The following HIVEP2 variants were observed in gnomAD, a reference collection of about 807,000 sequenced individuals.
HIVEP2 encodes the protein HIVEP zinc finger 2, also known as transcription factor HIVEP2.
HIVEP2 carries 14 observed loss-of-function variants against 180.7 expected under a neutral mutation model. That is an observed-to-expected ratio of 0.08 (90% confidence interval 0.05 to 0.12). HIVEP2 has a LOEUF of 0.12. HIVEP2 is among the 10% of genes least tolerant of loss of function. The probability of loss-of-function intolerance (pLI) is 1.00; values close to 1 mark genes in which losing one functional copy is unlikely to be tolerated. For missense variants in HIVEP2, 2,579 were observed against 3,008.5 expected (o/e 0.86, Z 3.34); for synonymous variants, 1,184 against 1,136.4 (o/e 1.04, Z -0.84).
intron 9 of HIVEP2, among the ~76,000 whole-genome samples, chr6:142,756,236 G>A (rs1282316858): frequency 6.6e-6 from 1 of 152,172 alleles, no homozygotes; most frequent in Non-Finnish European, 1.5e-5. Context: ...TGCAAATGAT[G>A]AGAGGGAGGT....
At chr6:142,866,161 T>G (rs1404523930) in intron 1 of HIVEP2, among the ~76,000 whole-genome samples, 1 of 152,198 alleles carries the variant, frequency 6.6e-6, no homozygotes, top group Non-Finnish European at 1.5e-5. Context: ...TTCTGAATTC[T>G]AATCCTGGCT....
chr6:142,804,547 A>G (rs1426009962), intron 2 of HIVEP2, among the ~76,000 whole-genome samples: 1 of 152,182 alleles, frequency 6.6e-6, no homozygotes, highest in African/African-American at 2.4e-5. Context: ...TCAAATTGAA[A>G]AAAAAATACA....
intron 2 of HIVEP2, among the ~76,000 whole-genome samples, chr6:142,810,648 G>A (rs1776670157): frequency 6.6e-6 from 1 of 151,440 alleles, no homozygotes; most frequent in Non-Finnish European, 1.5e-5. Context: ...TGTAATCCCA[G>A]CTACTCATGA....
chr6:142,862,607 T>C (rs892654339), intron 1 of HIVEP2, among the ~76,000 whole-genome samples: 1 of 145,310 alleles, frequency 6.9e-6, no homozygotes, highest in African/African-American at 2.5e-5. Context: ...AATCGATTCA[T>C]AATCGATTAT....
chr6:142,902,075 A>G (rs1017486572), intron 1 of HIVEP2, among the ~76,000 whole-genome samples: 2 of 152,334 alleles, frequency 1.3e-5, no homozygotes, highest in Admixed American at 6.5e-5. Flanking sequence ...CAATCAATCA[A>G]TAAAATATGT....
At chr6:142,909,237 T>C (rs1181999733) in intron 1 of HIVEP2, among the ~76,000 whole-genome samples, 1 of 152,160 alleles carries the variant, frequency 6.6e-6, no homozygotes, top group Non-Finnish European at 1.5e-5. Flanking sequence ...AAGCATTAGC[T>C]ATACAGAAAG....
At chr6:142,827,540 G>A (rs955261868) in intron 2 of HIVEP2, among the ~76,000 whole-genome samples, 3 of 152,298 alleles carry the variant, frequency 2.0e-5, no homozygotes, top group African/African-American at 4.8e-5. Context: ...GCACGTGCAC[G>A]CACTTCCCTG....
intron 1 of HIVEP2, among the ~76,000 whole-genome samples, chr6:142,847,844 G>C (rs957118343): frequency 2.6e-5 from 4 of 152,024 alleles, no homozygotes; most frequent in Non-Finnish European, 5.9e-5. Flanking sequence ...AAAGCTAAGT[G>C]GAATTTTTAT....
intron 2 of HIVEP2, among the ~76,000 whole-genome samples, chr6:142,819,461 A>G (rs1776971517): frequency 6.6e-6 from 1 of 152,192 alleles, no homozygotes; most frequent in South Asian, 2.1e-4. Flanking sequence ...GTTTTCCAAA[A>G]GGAAAAATAC....
At position 142,761,477 on chromosome 6, in the gene HIVEP2, T is replaced by C. The variant is rs1775235441; in HGVS notation, c.5607A>G (p.Glu1869=). ...TGACATACACACCTGCTTCCTCAGT[T>C]TCTGTATCATCCACCGATGTCATTG... The part of the protein sequence containing the change: ...GVSMTSVDDT[E]TEEAENLEDL... The change falls in exon 8 of 10, where the codon GAA becomes GAG. Residue 1869 remains glutamate (E), a synonymous_variant. Coordinates refer to ENST00000367603, the MANE Select transcript of HIVEP2 (RefSeq NM_006734.4). The C allele has an allele frequency of 6.3e-7, 1 of 1,585,726 alleles. No individual in the cohort carries two copies. Among genetic ancestry groups the C allele is most frequent in the South Asian group, 1.1e-5 (1 of 90,488 alleles).
chr6:142,774,432 G>A lies in HIVEP2; in HGVS notation c.307C>T (p.His103Tyr). Residue 103 changes from histidine (H) to tyrosine (Y), a missense_variant, in exon 5 of 10, where the codon CAC becomes TAC. His to Tyr is a moderately conservative substitution (Grantham distance 83, BLOSUM62 2). Around this residue, in one of 11 missense-constraint regions of HIVEP2, gnomAD observed 207 missense variants for 210.1 expected, o/e 0.99. Coordinates refer to ENST00000367603, the MANE Select transcript of HIVEP2 (RefSeq NM_006734.4). This position sits in a 1 kb window ranked among gnomAD's most constrained non-coding sequence, Gnocchi z 5.1. ...TGCATGACCCCCTGTGGCAATGAGT[G>A]CTGAGGGAAAGAGAGTGAGTGTTGG... is the stretch of plus-strand genomic sequence containing the variant. ...SCQHSLSFPQ[H>Y]SLPQGVMHST... is the part of the protein sequence containing the mutation. The A allele has an allele frequency of 1.2e-6, 2 of 1,614,192 alleles. No homozygotes were observed. Among genetic ancestry groups the A allele is most frequent in the Non-Finnish European group, 1.7e-6 (2 of 1,180,032 alleles).
chr6:142,783,178 A>AC (rs1196785450), intron 3 of HIVEP2, among the ~76,000 whole-genome samples: 1 of 152,020 alleles, frequency 6.6e-6, no homozygotes, highest in African/African-American at 2.4e-5. Flanking sequence ...AAATACAAAA[A>AC]TTAGCCGGGC....
At chr6:142,926,659 A>G (rs1290550270) in intron 1 of HIVEP2, among the ~76,000 whole-genome samples, 1 of 152,120 alleles carries the variant, frequency 6.6e-6, no homozygotes, top group Non-Finnish European at 1.5e-5. Flanking sequence ...GGGAGGTGCC[A>G]GTGCTGTGGT....
intron 9 of HIVEP2, among the ~76,000 whole-genome samples, chr6:142,756,797 T>TTATCTATC (rs10660970): frequency 0.025 from 3,737 of 150,016 alleles, 66 homozygotes; most frequent in East Asian, 0.048. Flanking sequence ...AAAAGATACC[T>TTATCTATC]TATCTATCTA....
intron 1 of HIVEP2, among the ~76,000 whole-genome samples, chr6:142,941,323 ATTAG>A (rs1007152633): frequency 2.0e-5 from 3 of 152,196 alleles, no homozygotes; most frequent in Admixed American, 1.3e-4. Flanking sequence ...GTTTTCCCAA[ATTAG>A]TTAGTGGCAT....
At chr6:142,894,936 T>C (rs960336612) in intron 1 of HIVEP2, among the ~76,000 whole-genome samples, 9 of 152,326 alleles carry the variant, frequency 5.9e-5, no homozygotes, top group Admixed American at 2.0e-4. Context: ...TAGAAAATCA[T>C]CTTGGAAATT....
chr6:142,785,365 G>A (rs956204457), intron 2 of HIVEP2, among the ~76,000 whole-genome samples: 4 of 126,398 alleles, frequency 3.2e-5, no homozygotes, highest in Admixed American at 2.6e-4. Flanking sequence ...AGAAATCACT[G>A]AGTTATTTTG....
At chr6:142,886,385 C>T (rs1776699269) in intron 1 of HIVEP2, among the ~76,000 whole-genome samples, 1 of 152,072 alleles carries the variant, frequency 6.6e-6, no homozygotes. Flanking sequence ...GTTCTCTTTT[C>T]CTCCCACTCA....
At chr6:142,903,156 A>C (rs1421745353) in intron 1 of HIVEP2, among the ~76,000 whole-genome samples, 1 of 152,226 alleles carries the variant, frequency 6.6e-6, no homozygotes, top group Non-Finnish European at 1.5e-5. Context: ...AACCACAAGC[A>C]CTATACCCCC....
Sources: allele counts gnomAD v4.1 joint callset (sites outside exome capture counted in the v4.1 genomes callset), GRCh38; gene constraint gnomAD v4.1.1; regional missense constraint gnomAD v4.1.1; non-coding constraint Gnocchi (gnomAD v3.1); transcripts MANE v1.5; gene names NCBI Gene and HGNC (gene_info 2026-07-23, HGNC 2026-07-21).